The following TENM4 variants were observed in gnomAD, a reference collection of about 807,000 sequenced individuals.
The protein encoded by TENM4 is teneurin-4.
A neutral mutation model predicts 243.3 loss-of-function variants in TENM4; 82 were observed. That is an observed-to-expected ratio of 0.34 (90% CI 0.28 to 0.40). The LOEUF (loss-of-function observed/expected upper bound fraction) is 0.40, where lower values mean the gene tolerates loss of function less well. Among genes scored for constraint, TENM4 ranks in the 10% least tolerant of loss-of-function variants. TENM4 has a pLI of 1.00. For missense variants in TENM4, 3,138 were observed against 3,673.3 expected (o/e 0.85, Z 3.77); for synonymous variants, 1,412 against 1,456.3 (o/e 0.97, Z 0.69).
intron 3 of TENM4, among the ~76,000 whole-genome samples, chr11:79,189,921 C>T (rs935165670): frequency 1.3e-5 from 2 of 152,144 alleles, no homozygotes; most frequent in Non-Finnish European, 2.9e-5. Context: ...ACGCCACTGA[C>T]GGTTAGAAGA....
intron 20 of TENM4, among the ~76,000 whole-genome samples, chr11:78,738,155 A>G (rs77639281): frequency 0.018 from 2,752 of 152,320 alleles, 92 homozygotes; most frequent in African/African-American, 0.063. Flanking sequence ...TTCTGCAGAA[A>G]GTGGTTCGCA....
intron 1 of TENM4, among the ~76,000 whole-genome samples, chr11:79,386,886 T>C (rs977467058): frequency 1.3e-5 from 2 of 152,010 alleles, no homozygotes; most frequent in Admixed American, 6.6e-5. Context: ...TCAGAACAGA[T>C]ACATATCCTA....
At chr11:78,747,106 T>C (rs1856067321) in intron 19 of TENM4, among the ~76,000 whole-genome samples, 1 of 152,144 alleles carries the variant, frequency 6.6e-6, no homozygotes, top group Admixed American at 6.5e-5. Flanking sequence ...AATACACAGC[T>C]GGCCTGTAAT....
At chr11:78,838,497 T>C (rs1858172745) in intron 12 of TENM4, among the ~76,000 whole-genome samples, 1 of 152,236 alleles carries the variant, frequency 6.6e-6, no homozygotes. Flanking sequence ...GATATGTGAA[T>C]ATTGGGTTTT....
chr11:79,314,232 A>G (rs1246661007), intron 1 of TENM4, among the ~76,000 whole-genome samples: 1 of 152,182 alleles, frequency 6.6e-6, no homozygotes, highest in Non-Finnish European at 1.5e-5. Context: ...TCACCATGAA[A>G]CTCAAGTGAA....
intron 6 of TENM4, among the ~76,000 whole-genome samples, chr11:78,912,951 G>A (rs554260988): frequency 6.6e-6 from 1 of 152,228 alleles, no homozygotes; most frequent in African/African-American, 2.4e-5. Flanking sequence ...CTAATTTGCT[G>A]TGTGACCTTG....
intron 27 of TENM4, among the ~76,000 whole-genome samples, chr11:78,704,163 A>G (rs1335665004): frequency 5.4e-5 from 4 of 73,638 alleles, no homozygotes; most frequent in African/African-American, 2.2e-4. Context: ...GTGTGTCTAT[A>G]TATATATATA....
chr11:78,971,304 T>G (rs1857542771), intron 6 of TENM4, among the ~76,000 whole-genome samples: 1 of 152,162 alleles, frequency 6.6e-6, no homozygotes, highest in African/African-American at 2.4e-5. Flanking sequence ...TTTGTTTGTT[T>G]GTTTGTTTTG....
chr11:78,936,235 G>A (rs1484793833), intron 6 of TENM4, among the ~76,000 whole-genome samples: 1 of 152,182 alleles, frequency 6.6e-6, no homozygotes, highest in East Asian at 1.9e-4. Context: ...ATGGACTTGG[G>A]AAACAGGAAG....
intron 9 of TENM4, among the ~76,000 whole-genome samples, chr11:78,885,028 A>G (rs1000903292): frequency 6.6e-6 from 1 of 152,216 alleles, no homozygotes; most frequent in Admixed American, 6.5e-5. Context: ...ACAGCAGCCA[A>G]ATGTGATTTT....
intron 3 of TENM4, among the ~76,000 whole-genome samples, chr11:79,176,377 T>C (rs538622131): frequency 6.6e-6 from 1 of 152,326 alleles, no homozygotes; most frequent in South Asian, 2.1e-4. Context: ...CATTCCACAC[T>C]GAATCTGTTG....
intron 3 of TENM4, among the ~76,000 whole-genome samples, chr11:79,207,068 G>T (rs1350891354): frequency 6.6e-6 from 1 of 152,180 alleles, no homozygotes; most frequent in African/African-American, 2.4e-5. Flanking sequence ...CATATGCTGG[G>T]AAGGCCACAG....
intron 2 of TENM4, among the ~76,000 whole-genome samples, chr11:79,220,389 G>A (rs955210612): frequency 2.0e-5 from 3 of 152,146 alleles, no homozygotes; most frequent in East Asian, 1.9e-4. Flanking sequence ...AAGCAGAGTG[G>A]GGCTGAATCA....
At chr11:79,165,876 T>C (rs1452793923) in intron 3 of TENM4, among the ~76,000 whole-genome samples, 1 of 152,216 alleles carries the variant, frequency 6.6e-6, no homozygotes, top group African/African-American at 2.4e-5. Context: ...ATTATCCAAG[T>C]ACCATTTGTT....
At chr11:79,233,505 T>C (rs1336928454) in intron 2 of TENM4, among the ~76,000 whole-genome samples, 1 of 152,110 alleles carries the variant, frequency 6.6e-6, no homozygotes, top group African/African-American at 2.4e-5. Flanking sequence ...TAATAAAACC[T>C]GGTAAGTGAT....
intron 6 of TENM4, among the ~76,000 whole-genome samples, chr11:78,974,238 T>C (rs1591175527): frequency 6.6e-6 from 1 of 152,338 alleles, no homozygotes; most frequent in African/African-American, 2.4e-5. Context: ...CAACCGATTT[T>C]GACCTAATGA....
intron 6 of TENM4, among the ~76,000 whole-genome samples, chr11:79,005,131 A>C (rs2136721848): frequency 6.6e-6 from 1 of 152,206 alleles, no homozygotes; most frequent in East Asian, 1.9e-4. Context: ...AAGCCTACCC[A>C]CCAGAGAAAA....
intron 1 of TENM4, among the ~76,000 whole-genome samples, chr11:79,368,308 C>G (rs1203103009): frequency 6.6e-6 from 1 of 152,166 alleles, no homozygotes; most frequent in Non-Finnish European, 1.5e-5. Flanking sequence ...AAAAAGTGGC[C>G]CAGAGCCACA....
chr11:79,163,589 T>C (rs1458202487), intron 3 of TENM4, among the ~76,000 whole-genome samples: 1 of 151,940 alleles, frequency 6.6e-6, no homozygotes, highest in Admixed American at 6.6e-5. Flanking sequence ...ACCATTCTTA[T>C]GCCTTTGCGC....
Sources: allele counts gnomAD v4.1 joint callset (sites outside exome capture counted in the v4.1 genomes callset), GRCh38; gene constraint gnomAD v4.1.1; transcripts MANE v1.5; gene names NCBI Gene and HGNC (gene_info 2026-07-23, HGNC 2026-07-21).